DUOX2: variants seen among roughly 807,000 people sequenced by gnomAD.
The protein encoded by DUOX2 is NADH/NADPH thyroid oxidase p138-tox.
A neutral mutation model predicts 183.3 loss-of-function variants in DUOX2; 185 were observed. The observed-to-expected ratio is 1.01, with a 90% CI of 0.90 to 1.14. DUOX2 has a LOEUF of 1.14. Among genes scored for constraint, DUOX2 ranks in the 50% most tolerant of loss-of-function variants. DUOX2 has a pLI of 0.00. For synonymous variants in DUOX2, 788 were observed against 812.4 expected (o/e 0.97, Z 0.51); for missense variants, 1,999 against 2,022.9 (o/e 0.99, Z 0.23).
At chr15:45,098,620 G>C (rs557153084) in intron 26 of DUOX2, among the ~76,000 whole-genome samples, 154 of 152,112 alleles carry the variant, frequency 1.0e-3, no homozygotes, top group Non-Finnish European at 1.9e-3. Context: ...CTTCTTGAAG[G>C]CAAGAAATTT....
chr15:45,094,921 C>T lies in DUOX2; in HGVS notation c.4395+15G>A, dbSNP rs527614780. 1.7e-5 allele frequency: 28 copies of T among 1,613,274 alleles called. No individual in the cohort carries two copies. The highest frequency in any genetic ancestry group is 5.3e-5 in the African/African-American group (4 of 75,036). On this transcript the variant is annotated intron_variant, in intron 32 of 33. Transcript: ENST00000389039. ...CTGCCCGCCAAGTTGCCCTGCCTGG[C>T]GGGCCCTGACATACTAGCATGGTGG... is the stretch of plus-strand genomic sequence containing the variant.
At position 45,095,442 on chromosome 15, in the gene DUOX2, T is replaced by C; in HGVS notation, c.4234A>G (p.Lys1412Glu). The C allele has an allele frequency of 6.2e-7, 1 of 1,614,192 alleles. No individual in the cohort carries two copies. The highest frequency in any genetic ancestry group is 8.5e-7 in the Non-Finnish European group (1 of 1,180,038). The change falls in exon 31 of 34, where the codon AAG (lysine) becomes GAG (glutamate). Residue 1412 changes from lysine (K) to glutamate (E), a missense_variant. Coordinates refer to ENST00000389039, the MANE Select transcript of DUOX2 (RefSeq NM_001363711.2). ...AATGAGGGAGGGATGCTCACCTTCT[T>C]ACACAGCATTTGGCTGCCCAAGGAT... ...KSSLGSQMLC[K>E]KIYFIWVTRT...
At chr15:45,104,477 T>A in intron 18 of DUOX2, 112 bp from the exon 19 acceptor site, 19 of 1,390,608 alleles carry the variant, frequency 1.4e-5, no homozygotes, top group Non-Finnish European at 1.7e-5. Context: ...AAGGCTAAAC[T>A]CTGATGGTTC....
At position 45,097,748 on chromosome 15, in the gene DUOX2, G is replaced by T. The variant is rs776416603; in HGVS notation, c.3566-7C>A. ...AGAAGCACACCTGTCATACCTGGGG[G>T]CAGGAAGACAGGGCCAGTGAGTAGT... On this transcript the variant is annotated splice_polypyrimidine_tract_variant and splice_region_variant and intron_variant, in intron 27 of 33. Transcript: ENST00000389039. 1.9e-6 allele frequency: 3 copies of T among 1,614,198 alleles called. No homozygotes were observed. Among genetic ancestry groups the T allele is most frequent in the South Asian group, 1.1e-5 (1 of 91,080 alleles).
At chr15:45,096,260 C>T (rs1893897978) in intron 29 of DUOX2, among the ~76,000 whole-genome samples, 200 bp from the exon 30 acceptor site, 1 of 152,048 alleles carries the variant, frequency 6.6e-6, no homozygotes. Context: ...TTTCTCTGCT[C>T]CCCTGTTCCA....
chr15:45,094,491 A>G, intron 33 of DUOX2, 72 bp downstream of exon 33: 1 of 1,562,074 alleles, frequency 6.4e-7, no homozygotes, highest in Non-Finnish European at 8.7e-7. Context: ...ACAGAGTGGC[A>G]GGGTGCTTCA....
chr15:45,101,122 G>T, intron 22 of DUOX2, 83 bp downstream of exon 22: 1 of 1,273,214 alleles, frequency 7.9e-7, no homozygotes, highest in Non-Finnish European at 1.1e-6. Context: ...TTTTACCAGG[G>T]GCTGATCAGC....
At chr15:45,103,477 A>G (rs1352622974) in intron 20 of DUOX2, among the ~76,000 whole-genome samples, 1 of 152,200 alleles carries the variant, frequency 6.6e-6, no homozygotes, top group African/African-American at 2.4e-5. Context: ...AAAACCAGAA[A>G]GGGCTTAAGA....
chr15:45,104,800 G>A (rs559302065), intron 18 of DUOX2, among the ~76,000 whole-genome samples: 58 of 152,224 alleles, frequency 3.8e-4, no homozygotes, highest in Admixed American at 1.3e-3. Flanking sequence ...TTTAAAAGTC[G>A]CATGTAACAA....
At position 45,104,366 on chromosome 15, in the gene DUOX2, C is replaced by G. The variant is rs758001307; in HGVS notation, c.2335-1G>C. ...CGTCGGCCTGGTTGATGTCCAGCACCTGCACTCGGGCAGCAGCAGAGGGAG... is the reference window on the plus strand; with the variant it reads ...CGTCGGCCTGGTTGATGTCCAGCACGTGCACTCGGGCAGCAGCAGAGGGAG... On this transcript the variant is annotated splice_acceptor_variant, in intron 18 of 33. Coordinates refer to ENST00000389039, the MANE Select transcript of DUOX2 (RefSeq NM_001363711.2). LOFTEE classifies it high-confidence loss of function. The G allele has an allele frequency of 9.9e-6, 16 of 1,613,318 alleles. No individual in the cohort carries two copies. Among genetic ancestry groups the G allele is most frequent in the Non-Finnish European group, 1.4e-5 (16 of 1,179,756 alleles).
chr15:45,098,089 C>T, intron 26 of DUOX2, 31 bp from the exon 27 acceptor site: 4 of 1,609,904 alleles, frequency 2.5e-6, no homozygotes, highest in Non-Finnish European at 2.6e-6. Context: ...GAGCCTCTGA[C>T]TGGGGCAGGA....
chr15:45,112,652 G>C lies in DUOX2; in HGVS notation c.227C>G (p.Pro76Arg), dbSNP rs767705906. 6.2e-7 allele frequency: 1 copy of C among 1,612,754 alleles called. No homozygotes were observed. Among genetic ancestry groups the C allele is most frequent in the African/African-American group, 1.3e-5 (1 of 74,924 alleles). ...GAGCCGGCGCGGGTTGGGCAGCTGC[G>C]GCTCCTCCAGAGCCTGATACACACC... Reference protein sequence around the residue: ...ADGVYQALEEPQLPNPRRLSN... With the variant: ...ADGVYQALEERQLPNPRRLSN... The change falls in exon 4 of 34, where the codon CCG becomes CGG. Residue 76 changes from proline (P) to arginine (R), a missense_variant. By Grantham distance (103) the Pro-to-Arg change is moderately radical (BLOSUM62 -2). Around this residue, in one of 3 missense-constraint regions of DUOX2, gnomAD observed 356 missense variants for 356.4 expected, o/e 1.00. Coordinates refer to ENST00000389039, the MANE Select transcript of DUOX2 (RefSeq NM_001363711.2).
chr15:45,094,796 G>A, intron 32 of DUOX2, 105 bp from the exon 33 acceptor site: 1 of 1,595,516 alleles, frequency 6.3e-7, no homozygotes, highest in Non-Finnish European at 8.6e-7. Context: ...GGAGGGAGCT[G>A]GAGGCTGAGG....
chr15:45,094,601 C>G lies in DUOX2; in HGVS notation c.4486G>C (p.Glu1496Gln). 2 of 1,613,922 alleles carry G rather than the reference C, an allele frequency of 1.2e-6. No homozygotes were observed. Among genetic ancestry groups the G allele is most frequent in the Non-Finnish European group, 1.7e-6 (2 of 1,179,958 alleles). ...TCCTGCAGGGAGTTGAAGAAGGGCT[C>G]GAAGGGGGGACGGCCAAAGTGGGTG... ...SITHFGRPPF[E>Q]PFFNSLQEVH... Residue 1496 changes from glutamate to glutamine, a missense_variant, in exon 33 of 34, where the codon GAG (glutamate) becomes CAG (glutamine). Around this residue, in one of 3 missense-constraint regions of DUOX2, gnomAD observed 1,628 missense variants for 1,608.6 expected, o/e 1.01. Transcript: ENST00000389039.
In DUOX2 at chr15:45,095,428, G is replaced by A. The variant is rs776546429; in HGVS notation, c.4239+9C>T. The A allele has an allele frequency of 9.3e-6, 15 of 1,614,064 alleles. No individual in the cohort carries two copies. The South Asian group carries it at 1.5e-4, about 17-fold the overall frequency. On this transcript the variant is annotated intron_variant, in intron 31 of 33. Coordinates refer to ENST00000389039, the MANE Select transcript of DUOX2 (RefSeq NM_001363711.2). ...TGCCCCATTTGATGAATGAGGGAGG[G>A]ATGCTCACCTTCTTACACAGCATTT...
At chr15:45,108,018 T>A (rs759683823) in intron 13 of DUOX2, 29 bp downstream of exon 13, 23 of 1,612,968 alleles carry the variant, frequency 1.4e-5, no homozygotes, top group Non-Finnish European at 1.6e-5. Context: ...TGAGGAGCAG[T>A]CTGAGGTGGG....
At chr15:45,097,182 A>G (rs1893925569) in intron 29 of DUOX2, 56 bp downstream of exon 29, 2 of 1,612,048 alleles carry the variant, frequency 1.2e-6, no homozygotes, top group Non-Finnish European at 1.7e-6. Context: ...CTGTCTCCCC[A>G]TGTCTGAAGA....
chr15:45,094,754 C>T (rs923636133), intron 32 of DUOX2, 63 bp from the exon 33 acceptor site: 15 of 1,606,772 alleles, frequency 9.3e-6, no homozygotes, highest in Non-Finnish European at 1.2e-5. Context: ...CCGAGCCAGC[C>T]CACATAGCCC....
At chr15:45,107,319 CACTT>C (rs750090410) in intron 14 of DUOX2, 22 bp downstream of exon 14, 3 of 1,612,558 alleles carry the variant, frequency 1.9e-6, no homozygotes, top group Non-Finnish European at 2.5e-6. Context: ...CACTGTCACT[CACTT>C]GTGTTCTCCC....
Sources: gnomAD v4.1 joint callset for allele counts (sites outside exome capture counted in the v4.1 genomes callset) on GRCh38, gnomAD v4.1.1 for gene constraint, gnomAD v4.1.1 regional missense constraint, MANE v1.5 for transcripts, NCBI Gene and HGNC (gene_info 2026-07-23, HGNC 2026-07-21) for gene names.